The following SEZ6L variants were observed in gnomAD, a reference collection of about 807,000 sequenced individuals.
SEZ6L encodes seizure related 6 homolog like.
A neutral mutation model predicts 106.2 loss-of-function variants in SEZ6L; 37 were observed. The ratio of observed to expected loss-of-function variants is 0.35; its 90% CI spans 0.27 to 0.46. SEZ6L has a LOEUF of 0.46. SEZ6L is among the 20% of genes least tolerant of loss of function. The pLI is 1.00. For synonymous variants in SEZ6L, 541 were observed against 570.4 expected, an observed-to-expected ratio of 0.95 and a Z score of 0.73; for missense variants, 1,172 against 1,332.8, an observed-to-expected ratio of 0.88 and a Z score of 1.88.
At chr22:26,344,647 C>T (rs1331665744) in intron 10 of SEZ6L, among the ~76,000 whole-genome samples, 3 of 152,202 alleles carry the variant, frequency 2.0e-5, no homozygotes, top group African/African-American at 7.2e-5. Context: ...TAATCTTGTC[C>T]ATGAGACCGA....
At chr22:26,241,860 C>T (rs2079146894) in intron 1 of SEZ6L, among the ~76,000 whole-genome samples, 1 of 152,124 alleles carries the variant, frequency 6.6e-6, no homozygotes, top group Admixed American at 6.5e-5. Context: ...TGAGTCTGGG[C>T]ACCAAGGACA....
intron 2 of SEZ6L, among the ~76,000 whole-genome samples, chr22:26,293,451 C>T (rs951794244): frequency 6.6e-6 from 1 of 152,240 alleles, no homozygotes; most frequent in African/African-American, 2.4e-5. Context: ...TTGCCTCAGC[C>T]TCTTGAGTAG....
intron 5 of SEZ6L, among the ~76,000 whole-genome samples, chr22:26,300,587 C>T (rs1180926448): frequency 6.6e-6 from 1 of 152,160 alleles, no homozygotes. Context: ...CAAGTCTTTG[C>T]TATTGTGAAT....
chr22:26,365,660 A>T (rs2083783863), intron 13 of SEZ6L, 94 bp downstream of exon 13: 3 of 1,226,284 alleles, frequency 2.4e-6, no homozygotes, highest in East Asian at 2.5e-5. Flanking sequence ...AAAAAATTGG[A>T]CTAGGAGTTC....
At chr22:26,353,282 T>C (rs2083335615) in intron 12 of SEZ6L, among the ~76,000 whole-genome samples, 1 of 152,212 alleles carries the variant, frequency 6.6e-6, no homozygotes, top group South Asian at 2.1e-4. Context: ...AAAAGACACA[T>C]TGCTAAGCAC....
intron 1 of SEZ6L, among the ~76,000 whole-genome samples, chr22:26,215,950 G>T (rs1054044354): frequency 6.6e-6 from 1 of 152,180 alleles, no homozygotes; most frequent in South Asian, 2.1e-4. Context: ...CCAGCTTCTC[G>T]CTGACAGAAG....
At chr22:26,304,412 G>GAA (rs1478781172) in intron 5 of SEZ6L, among the ~76,000 whole-genome samples, 2 of 141,564 alleles carry the variant, frequency 1.4e-5, no homozygotes, top group African/African-American at 2.6e-5. Context: ...AAGAAAGAAA[G>GAA]AAAGAAAGAA....
intron 9 of SEZ6L, among the ~76,000 whole-genome samples, chr22:26,335,780 C>T (rs1182165136): frequency 6.6e-6 from 1 of 152,146 alleles, no homozygotes; most frequent in Non-Finnish European, 1.5e-5. Flanking sequence ...GGCAGGCATC[C>T]CCAGTCTGAT....
intron 9 of SEZ6L, among the ~76,000 whole-genome samples, chr22:26,338,117 A>G (rs1020757825): frequency 2.0e-5 from 3 of 152,178 alleles, no homozygotes. Context: ...AACTCTGCTC[A>G]GGGCCATTTC....
At chr22:26,305,043 T>C (rs1334957812) in intron 5 of SEZ6L, among the ~76,000 whole-genome samples, 2 of 152,232 alleles carry the variant, frequency 1.3e-5, no homozygotes, top group African/African-American at 4.8e-5. Flanking sequence ...GTTACTGTGC[T>C]GAACACATTG....
intron 16 of SEZ6L, among the ~76,000 whole-genome samples, chr22:26,379,257 G>C (rs922812973): frequency 1.3e-5 from 2 of 152,212 alleles, no homozygotes; most frequent in Non-Finnish European, 2.9e-5. Flanking sequence ...GCCAGCAACA[G>C]AGAGAGAGTC....
chr22:26,321,388 C>T (rs946109438), intron 9 of SEZ6L, among the ~76,000 whole-genome samples: 2 of 152,194 alleles, frequency 1.3e-5, no homozygotes, highest in Non-Finnish European at 2.9e-5. Context: ...GACTCAGCAG[C>T]GCCTTGAAGG....
intron 2 of SEZ6L, 71 bp from the exon 3 acceptor site, chr22:26,294,221 C>T: frequency 6.6e-7 from 1 of 1,521,638 alleles, no homozygotes; most frequent in Admixed American, 1.8e-5. Flanking sequence ...GCCCCCATTC[C>T]ACCCCACAGC....
intron 4 of SEZ6L, among the ~76,000 whole-genome samples, chr22:26,298,698 T>C (rs2081367973): frequency 6.6e-6 from 1 of 152,114 alleles, no homozygotes; most frequent in African/African-American, 2.4e-5. Flanking sequence ...TGTCTCTACA[T>C]AGATAGAGAT....
At chr22:26,271,810 CTTGGGCA>C (rs1172184979) in intron 1 of SEZ6L, among the ~76,000 whole-genome samples, 1 of 152,208 alleles carries the variant, frequency 6.6e-6, no homozygotes, top group East Asian at 1.9e-4. Context: ...ACTACCCAGC[CTTGGGCA>C]TTTCTTCATG....
At chr22:26,240,085 C>T (rs1344428462) in intron 1 of SEZ6L, among the ~76,000 whole-genome samples, 2 of 122,018 alleles carry the variant, frequency 1.6e-5, no homozygotes, top group Non-Finnish European at 3.4e-5. Context: ...CACACACACA[C>T]ACACACTCAC....
chr22:26,297,829 TTC>T (rs1199734693), intron 4 of SEZ6L, among the ~76,000 whole-genome samples: 2 of 150,076 alleles, frequency 1.3e-5, no homozygotes, highest in African/African-American at 2.5e-5. Flanking sequence ...TTTCCCTCCC[TTC>T]TCTCTCTCTC....
chr22:26,343,324 C>CAA (rs763323751), intron 10 of SEZ6L, among the ~76,000 whole-genome samples: 44 of 63,092 alleles, frequency 7.0e-4, no homozygotes, highest in Middle Eastern at 0.022. Context: ...GCTTGATGGC[C>CAA]AAAAAAAAAA....
At chr22:26,361,521 ATATAT>A (rs1162463774) in intron 12 of SEZ6L, among the ~76,000 whole-genome samples, 106 of 124,430 alleles carry the variant, frequency 8.5e-4, no homozygotes, top group African/African-American at 3.5e-3. Flanking sequence ...AAAAAAAAAA[ATATAT>A]ATATATATAT....
Sources: allele counts gnomAD v4.1 joint callset (sites outside exome capture counted in the v4.1 genomes callset), GRCh38; gene constraint gnomAD v4.1.1; transcripts MANE v1.5; gene names NCBI Gene and HGNC (gene_info 2026-07-23, HGNC 2026-07-21).